The following PGR variants were observed in gnomAD, a reference collection of about 807,000 sequenced individuals.
The protein encoded by PGR is progesterone receptor, also known as nuclear receptor subfamily 3 group C member 3.
PGR carries 25 observed loss-of-function variants against 76.1 expected under a neutral mutation model. That is an observed-to-expected ratio of 0.33 (90% CI 0.24 to 0.46). The LOEUF (loss-of-function observed/expected upper bound fraction) is 0.46, where lower values mean the gene tolerates loss of function less well. Ranked by LOEUF, PGR falls within the 20% of genes least tolerant of loss-of-function variation. PGR has a pLI of 1.00. For synonymous variants in PGR, 579 were observed against 535.0 expected, an observed-to-expected ratio of 1.08 and a Z score of -1.14; for missense variants, 1,172 against 1,225.3, an observed-to-expected ratio of 0.96 and a Z score of 0.65.
intron 2 of PGR, among the ~76,000 whole-genome samples, chr11:101,123,730 C>CAA (rs1200399165): frequency 6.6e-6 from 1 of 152,160 alleles, no homozygotes; most frequent in African/African-American, 2.4e-5. Flanking sequence ...TATTTCAACC[C>CAA]ATAACCACCT....
At chr11:101,121,828 T>C (rs1465213955) in intron 2 of PGR, among the ~76,000 whole-genome samples, 1 of 152,192 alleles carries the variant, frequency 6.6e-6, no homozygotes, top group Non-Finnish European at 1.5e-5. Context: ...CATGAACTAA[T>C]GTAATTAAGG....
At chr11:101,092,746 G>A (rs189452997) in intron 2 of PGR, among the ~76,000 whole-genome samples, 4 of 152,120 alleles carry the variant, frequency 2.6e-5, no homozygotes, top group African/African-American at 4.8e-5. Flanking sequence ...ACATGTAAAC[G>A]TTAATTTACT....
intron 2 of PGR, among the ~76,000 whole-genome samples, chr11:101,095,246 T>C (rs952031655): frequency 1.3e-5 from 2 of 152,234 alleles, no homozygotes; most frequent in Admixed American, 6.5e-5. Flanking sequence ...CCCAACACTA[T>C]TTACTGACTA....
intron 2 of PGR, among the ~76,000 whole-genome samples, chr11:101,097,255 C>G (rs1435814510): frequency 6.6e-6 from 1 of 152,206 alleles, no homozygotes; most frequent in Non-Finnish European, 1.5e-5. Context: ...TACCCCCAAA[C>G]TCTCTCATGC....
At chr11:101,099,809 C>A (rs1370463393) in intron 2 of PGR, among the ~76,000 whole-genome samples, 4 of 152,152 alleles carry the variant, frequency 2.6e-5, no homozygotes, top group Admixed American at 1.3e-4. Flanking sequence ...CACAGATAAC[C>A]CCAGTGACAC....
At chr11:101,065,480 AT>A (rs1352667374) in intron 3 of PGR, among the ~76,000 whole-genome samples, 3 of 152,204 alleles carry the variant, frequency 2.0e-5, no homozygotes, top group African/African-American at 7.2e-5. Context: ...ACTTCATATA[AT>A]TGTACTCTTA....
chr11:101,088,476 C>T (rs555114061), intron 3 of PGR, among the ~76,000 whole-genome samples: 42 of 152,200 alleles, frequency 2.8e-4, no homozygotes, highest in African/African-American at 7.0e-4. Flanking sequence ...GGACTACAGG[C>T]GCCTGCCACC....
intron 2 of PGR, among the ~76,000 whole-genome samples, chr11:101,113,258 G>A (rs2135489395): frequency 6.6e-6 from 1 of 151,900 alleles, no homozygotes; most frequent in Non-Finnish European, 1.5e-5. Flanking sequence ...TGTACCTTCT[G>A]CTAAATATCT....
chr11:101,051,316 T>C, intron 5 of PGR, 108 bp downstream of exon 5: 1 of 744,316 alleles, frequency 1.3e-6, no homozygotes, highest in Non-Finnish European at 2.3e-6. Context: ...GACAGTAATG[T>C]CATCATATCA....
chr11:101,107,058 G>C (rs545453684), intron 2 of PGR, among the ~76,000 whole-genome samples: 3 of 152,100 alleles, frequency 2.0e-5, no homozygotes, highest in Non-Finnish European at 4.4e-5. Context: ...ACCTGGGCCT[G>C]TCAGGGGATG....
At chr11:101,056,691 C>A (rs1487506584) in intron 4 of PGR, among the ~76,000 whole-genome samples, 1 of 151,180 alleles carries the variant, frequency 6.6e-6, no homozygotes, top group East Asian at 1.9e-4. Flanking sequence ...TACTAAGTTC[C>A]CCAATCTTAC....
intron 2 of PGR, among the ~76,000 whole-genome samples, chr11:101,094,891 A>G (rs1861789519): frequency 6.6e-6 from 1 of 152,132 alleles, no homozygotes; most frequent in Non-Finnish European, 1.5e-5. Flanking sequence ...CCCTTTTAAA[A>G]GGGCTTGAGG....
chr11:101,068,443 C>T (rs1006821646), intron 3 of PGR, among the ~76,000 whole-genome samples: 3 of 152,028 alleles, frequency 2.0e-5, no homozygotes, highest in African/African-American at 7.2e-5. Context: ...CCATAGTGAC[C>T]AAAGTAATTT....
At chr11:101,104,422 C>A (rs1391355798) in intron 2 of PGR, among the ~76,000 whole-genome samples, 1 of 152,104 alleles carries the variant, frequency 6.6e-6, no homozygotes, top group Non-Finnish European at 1.5e-5. Context: ...TAGAGATAAA[C>A]ATTTTATAAG....
At chr11:101,125,762 T>C (rs1026865265) in intron 2 of PGR, among the ~76,000 whole-genome samples, 3 of 152,224 alleles carry the variant, frequency 2.0e-5, no homozygotes, top group Non-Finnish European at 4.4e-5. Flanking sequence ...TCCTCAAGAT[T>C]TTTATGACTT....
intron 3 of PGR, among the ~76,000 whole-genome samples, chr11:101,083,185 G>A (rs951659304): frequency 6.6e-6 from 1 of 152,218 alleles, no homozygotes; most frequent in African/African-American, 2.4e-5. Context: ...CAAACCCAAA[G>A]CCCTGGTGGC....
intron 3 of PGR, among the ~76,000 whole-genome samples, chr11:101,088,104 A>G (rs1001296424): frequency 1.3e-5 from 2 of 152,028 alleles, no homozygotes; most frequent in Non-Finnish European, 2.9e-5. Context: ...ATGCTGAGGT[A>G]GGAAGATCAC....
intron 3 of PGR, among the ~76,000 whole-genome samples, chr11:101,083,536 G>A (rs1182632907): frequency 6.6e-6 from 1 of 152,196 alleles, no homozygotes; most frequent in Non-Finnish European, 1.5e-5. Flanking sequence ...CAGCTGTGGG[G>A]GCTGTATCCT....
chr11:101,126,321 C>A (rs1343627944), intron 1 of PGR, among the ~76,000 whole-genome samples, 163 bp from the exon 2 acceptor site: 1 of 152,078 alleles, frequency 6.6e-6, no homozygotes, highest in East Asian at 1.9e-4. Context: ...ATAGACTATC[C>A]GTAACTGGAT....
Sources: gnomAD v4.1 joint callset for allele counts (sites outside exome capture counted in the v4.1 genomes callset) on GRCh38, gnomAD v4.1.1 for gene constraint, MANE v1.5 for transcripts, NCBI Gene and HGNC (gene_info 2026-07-23, HGNC 2026-07-21) for gene names.